PCMT1: variants seen among roughly 807,000 people sequenced by gnomAD.
PCMT1 encodes protein-L-isoaspartate (D-aspartate) O-methyltransferase.
In PCMT1, 9 loss-of-function variants were observed where a neutral mutation model predicts 29.2. The ratio of observed to expected loss-of-function variants is 0.31; its 90% CI spans 0.19 to 0.54. The LOEUF is 0.54. PCMT1 is among the 20% of genes least tolerant of loss of function. The probability of loss-of-function intolerance (pLI) is 0.95; values close to 1 mark genes in which losing one functional copy is unlikely to be tolerated. For synonymous variants in PCMT1, 98 were observed against 97.5 expected, an observed-to-expected ratio of 1.00 and a Z score of -0.03; for missense variants, 184 against 282.2, an observed-to-expected ratio of 0.65 and a Z score of 2.49.
chr6:149,751,241 C>T (rs1786301910), intron 1 of PCMT1, among the ~76,000 whole-genome samples: 1 of 152,028 alleles, frequency 6.6e-6, no homozygotes, highest in Non-Finnish European at 1.5e-5. Flanking sequence ...CGCGTGAACC[C>T]GGGACGGGGA....
intron 3 of PCMT1, among the ~76,000 whole-genome samples, chr6:149,781,472 A>T (rs1787812691): frequency 6.6e-6 from 1 of 151,978 alleles, no homozygotes; most frequent in African/African-American, 2.4e-5. Flanking sequence ...TGATCCGCCC[A>T]CCTCAGCCTC....
At chr6:149,789,066 A>ATTTT (rs56661461) in intron 3 of PCMT1, among the ~76,000 whole-genome samples, 41 of 90,486 alleles carry the variant, frequency 4.5e-4, no homozygotes, top group Admixed American at 7.4e-4. Context: ...ATTGGATCTG[A>ATTTT]TTTTTTTTTT....
intron 3 of PCMT1, among the ~76,000 whole-genome samples, chr6:149,786,450 T>C (rs199587866): frequency 0.44 from 33,945 of 78,006 alleles, 13,250 homozygotes; most frequent in East Asian, 0.87. Flanking sequence ...GGGTGGCTGC[T>C]GGGCGGAGAC....
At position 149,750,170 on chromosome 6, in the gene PCMT1, A is replaced by G. The variant is rs572605516; in HGVS notation, c.55+214A>G. ...CGACGTGGACTGGAAGGGGAGAGAAAGAGCCAGGGGCCGCTGCTGGTGGGG... is the reference window on the plus strand; with the variant it reads ...CGACGTGGACTGGAAGGGGAGAGAAGGAGCCAGGGGCCGCTGCTGGTGGGG... On this transcript the variant is annotated intron_variant, in intron 1 of 7. Transcript: ENST00000464889. The G allele has an allele frequency of 2.4e-3, 1,635 of 668,800 alleles. 6 individuals carry two copies. The highest frequency in any genetic ancestry group is 3.1e-3 in the Non-Finnish European group (1,265 of 407,824). The allele number at this position is 668,800 out of a possible 1,614,324, so 41.4% of individuals were successfully genotyped here.
intron 3 of PCMT1, among the ~76,000 whole-genome samples, chr6:149,780,508 A>T (rs189429948): frequency 1.3e-5 from 2 of 152,158 alleles, no homozygotes; most frequent in Admixed American, 6.5e-5. Context: ...TAGCAGTCAG[A>T]TCCCAACCCC....
intron 1 of PCMT1, among the ~76,000 whole-genome samples, chr6:149,767,739 C>T (rs191619169): frequency 5.1e-4 from 77 of 151,588 alleles, no homozygotes; most frequent in South Asian, 2.1e-3. Flanking sequence ...CAGACGTGAG[C>T]CACTGCATCT....
chr6:149,801,809 T>G (rs1220929035), intron 6 of PCMT1, among the ~76,000 whole-genome samples: 1 of 152,178 alleles, frequency 6.6e-6, no homozygotes, highest in Non-Finnish European at 1.5e-5. Flanking sequence ...CTAAAAGTTG[T>G]TTATAATGAT....
chr6:149,777,895 T>C (rs75221115), intron 3 of PCMT1, among the ~76,000 whole-genome samples: 2,180 of 119,884 alleles, frequency 0.018, 25 homozygotes, highest in Middle Eastern at 0.039. Context: ...TTTTTTTTTT[T>C]CCACAAAGTC....
At chr6:149,751,247 G>T (rs2115185609) in intron 1 of PCMT1, among the ~76,000 whole-genome samples, 1 of 152,212 alleles carries the variant, frequency 6.6e-6, no homozygotes, top group East Asian at 1.9e-4. Flanking sequence ...AACCCGGGAC[G>T]GGGAGGTTGC....
At chr6:149,809,516 A>G (rs1368665123) in intron 7 of PCMT1, among the ~76,000 whole-genome samples, 3 of 152,088 alleles carry the variant, frequency 2.0e-5, no homozygotes, top group African/African-American at 7.2e-5. Context: ...CTATAGGATA[A>G]AGGCAGCTTA....
chr6:149,763,340 ATTAT>A (rs1383041423), intron 1 of PCMT1, among the ~76,000 whole-genome samples: 3 of 148,702 alleles, frequency 2.0e-5, no homozygotes, highest in Non-Finnish European at 4.5e-5. Context: ...TGACAGAAAA[ATTAT>A]TTAATAGCTT....
chr6:149,758,008 G>A (rs890437161), intron 1 of PCMT1, among the ~76,000 whole-genome samples: 1 of 151,872 alleles, frequency 6.6e-6, no homozygotes, highest in Admixed American at 6.6e-5. Context: ...TTAGCCTCCC[G>A]AGTAGCTGGG....
Position 149,786,405 on chromosome 6 carries a change from G to A in PCMT1, c.193-3549G>A, listed in dbSNP as rs1231079400. 4.5e-5 allele frequency among the ~76,000 whole-genome samples: 6 copies of A among 134,814 alleles called. 1 individual carries two copies. Among genetic ancestry groups the A allele is most frequent in the Non-Finnish European group, 7.9e-5 (5 of 63,142 alleles). 88.4% of individuals were successfully genotyped at this position (134,814 alleles called of 152,430 possible). On this transcript the variant is annotated intron_variant, in intron 3 of 7. Coordinates refer to ENST00000464889, the MANE Select transcript of PCMT1 (RefSeq NM_001360452.2). Reference sequence around the variant, plus strand: ...TCCCTCCCGGACGGGGTGGCTGGCCGGGCGGGGGCTGACCCCCCACCTCCC... The same window carrying A: ...TCCCTCCCGGACGGGGTGGCTGGCCAGGCGGGGGCTGACCCCCCACCTCCC...
intron 3 of PCMT1, among the ~76,000 whole-genome samples, chr6:149,783,620 A>G (rs1301076663): frequency 6.6e-6 from 1 of 152,062 alleles, no homozygotes; most frequent in Non-Finnish European, 1.5e-5. Flanking sequence ...GACGTCTTTG[A>G]TCTGAATCTA....
At chr6:149,749,722 C>T, upstream of PCMT1, 10 of 1,539,424 alleles carry the variant, frequency 6.5e-6, no homozygotes, top group Non-Finnish European at 8.8e-6. Flanking sequence ...ATGCGTGCCG[C>T]GGGGGATGCC....
intron 4 of PCMT1, among the ~76,000 whole-genome samples, chr6:149,792,747 G>A (rs1001250463): frequency 6.6e-6 from 1 of 152,076 alleles, no homozygotes; most frequent in Non-Finnish European, 1.5e-5. Context: ...TCAAACTCCT[G>A]GGCTCAAGCA....
intron 1 of PCMT1, among the ~76,000 whole-genome samples, chr6:149,764,966 G>A (rs1787013875): frequency 1.4e-5 from 2 of 146,500 alleles, no homozygotes; most frequent in African/African-American, 2.5e-5. Context: ...GCGTGAACCC[G>A]GGAGGCGGAG....
At chr6:149,768,604 C>T (rs1048338416) in intron 1 of PCMT1, among the ~76,000 whole-genome samples, 1 of 151,600 alleles carries the variant, frequency 6.6e-6, no homozygotes, top group Non-Finnish European at 1.5e-5. Context: ...ACATGAACCA[C>T]CATGCACGGC....
intron 3 of PCMT1, among the ~76,000 whole-genome samples, chr6:149,776,688 A>G (rs1347122648): frequency 6.6e-6 from 1 of 152,174 alleles, no homozygotes; most frequent in African/African-American, 2.4e-5. Flanking sequence ...GTTGGATTAC[A>G]GGCATAAGCC....
Sources: allele counts gnomAD v4.1 joint callset (sites outside exome capture counted in the v4.1 genomes callset), GRCh38; gene constraint gnomAD v4.1.1; transcripts MANE v1.5; gene names NCBI Gene and HGNC (gene_info 2026-07-23, HGNC 2026-07-21).